Variants in GFRA1 observed in about 807,000 individuals in gnomAD.
The protein encoded by GFRA1 is GDNF family receptor alpha-1.
A neutral mutation model predicts 51.6 loss-of-function variants in GFRA1; 16 were observed. That is an observed-to-expected ratio of 0.31 (90% CI 0.21 to 0.47). The LOEUF is 0.47. Among genes scored for constraint, GFRA1 ranks in the 20% least tolerant of loss-of-function variants. GFRA1 has a pLI of 1.00. For synonymous variants in GFRA1, 270 were observed against 241.3 expected (o/e 1.12, Z -1.10); for missense variants, 530 against 594.3 (o/e 0.89, Z 1.13).
intron 9 of GFRA1, among the ~76,000 whole-genome samples, chr10:116,081,671 G>T (rs1266589327): frequency 6.6e-6 from 1 of 152,086 alleles, no homozygotes; most frequent in African/African-American, 2.4e-5. Context: ...TTTTATTAAT[G>T]CCTGGCCATA....
At chr10:116,257,260 C>T (rs1968935189) in intron 4 of GFRA1, among the ~76,000 whole-genome samples, 1 of 152,146 alleles carries the variant, frequency 6.6e-6, no homozygotes, top group South Asian at 2.1e-4. Flanking sequence ...TCCCTGTCTG[C>T]TCTGCTGTCT....
At chr10:116,085,688 AT>A (rs1224848924) in intron 9 of GFRA1, among the ~76,000 whole-genome samples, 1 of 151,886 alleles carries the variant, frequency 6.6e-6, no homozygotes, top group East Asian at 1.9e-4. Flanking sequence ...TCACTCTCTC[AT>A]CCCCCCCATC....
At position 116,124,919 on chromosome 10, in the gene GFRA1, A is replaced by G. The variant is rs1206620282; in HGVS notation, c.770+302T>C. The stretch of plus-strand genomic sequence containing the variant: ...GTGTGCCTTAAGGTCACCTCACCCC[A>G]GGTGACCCTCTCACCTGAGAGGTAT... On this transcript the variant is annotated intron_variant, in intron 6 of 10. Coordinates refer to ENST00000355422, the MANE Select transcript of GFRA1 (RefSeq NM_005264.8). Among the ~76,000 whole-genome samples the G allele has an allele frequency of 2.6e-5, 4 of 152,152 alleles. 1 individual carries two copies. Among genetic ancestry groups the G allele is most frequent in the Non-Finnish European group, 4.4e-5 (3 of 68,018 alleles).
intron 6 of GFRA1, among the ~76,000 whole-genome samples, chr10:116,106,023 T>C (rs1340000512): frequency 6.6e-6 from 1 of 151,900 alleles, no homozygotes; most frequent in Non-Finnish European, 1.5e-5. Flanking sequence ...TCTTTAAAAG[T>C]GGAATAGGGA....
At position 116,061,833 on chromosome 10, in the gene GFRA1, G is replaced by GTGTT. The variant is rs1954832923; in HGVS notation, c.*2561_*2564dup. 5.0e-6 allele frequency: 2 copies of GTGTT among 396,584 alleles called. No homozygotes were observed. Among genetic ancestry groups the GTGTT allele is most frequent in the Admixed American group, 8.8e-5 (2 of 22,682 alleles). 24.6% of individuals were successfully genotyped at this position (396,584 alleles called of 1,614,324 possible). A position where few individuals can be genotyped will look rare whatever the true frequency, so the allele number is the denominator to read the frequency against. ...TGCTCCAGTTCTGGGGCAAATGATGGTGTTTTAGGGTCACCGTGTCAAACT... is the reference window on the plus strand; with the variant it reads ...TGCTCCAGTTCTGGGGCAAATGATGGTGTTTGTTTTAGGGTCACCGTGTCAAACT... On this transcript the variant is annotated 3_prime_UTR_variant, in exon 11 of 11. Coordinates refer to ENST00000355422, the MANE Select transcript of GFRA1 (RefSeq NM_005264.8).
intron 4 of GFRA1, among the ~76,000 whole-genome samples, chr10:116,269,179 CCA>C (rs1165840181): frequency 6.6e-6 from 1 of 152,050 alleles, no homozygotes; most frequent in East Asian, 1.9e-4. Context: ...AATACGATTG[CCA>C]CCTACAGACA....
chr10:116,095,770 TG>T (rs1222079575), intron 7 of GFRA1, among the ~76,000 whole-genome samples: 2 of 152,168 alleles, frequency 1.3e-5, no homozygotes, highest in African/African-American at 4.8e-5. Flanking sequence ...AGTGGTGACG[TG>T]TGTGACCCTG....
chr10:116,188,824 T>C (rs1234474887), intron 5 of GFRA1, among the ~76,000 whole-genome samples: 4 of 150,444 alleles, frequency 2.7e-5, no homozygotes, highest in Non-Finnish European at 5.9e-5. Context: ...CACTTGAACC[T>C]GGGAGGCAGA....
intron 5 of GFRA1, among the ~76,000 whole-genome samples, chr10:116,201,457 A>G (rs935986720): frequency 3.9e-5 from 6 of 152,086 alleles, no homozygotes; most frequent in Non-Finnish European, 7.4e-5. Context: ...ACATCCCATA[A>G]AAACAACACT....
intron 5 of GFRA1, among the ~76,000 whole-genome samples, chr10:116,125,816 C>T (rs922880198): frequency 6.6e-6 from 1 of 152,220 alleles, no homozygotes; most frequent in Non-Finnish European, 1.5e-5. Context: ...GGCCAAAACT[C>T]GGGCACCTGC....
intron 4 of GFRA1, among the ~76,000 whole-genome samples, chr10:116,260,451 A>G (rs141946603): frequency 2.7e-3 from 418 of 152,324 alleles, no homozygotes; most frequent in African/African-American, 9.7e-3. Context: ...TTTAGAAACA[A>G]TTCTGCCACC....
chr10:116,142,874 C>T (rs1958631116), intron 5 of GFRA1, among the ~76,000 whole-genome samples: 1 of 152,144 alleles, frequency 6.6e-6, no homozygotes, highest in South Asian at 2.1e-4. Flanking sequence ...GGACTAGACT[C>T]CTCATAATAA....
chr10:116,212,523 AAC>A (rs71010072), intron 4 of GFRA1, among the ~76,000 whole-genome samples: 9,462 of 142,528 alleles, frequency 0.066, 379 homozygotes, highest in East Asian at 0.14. Context: ...TCCGTCTCAA[AAC>A]ACACACACAC....
chr10:116,232,407 A>T (rs1299336119), intron 4 of GFRA1, among the ~76,000 whole-genome samples: 2 of 152,250 alleles, frequency 1.3e-5, no homozygotes, highest in African/African-American at 4.8e-5. Context: ...CATTTATTGT[A>T]AATATCGAGG....
intron 5 of GFRA1, among the ~76,000 whole-genome samples, chr10:116,206,299 T>C (rs898378864): frequency 6.6e-6 from 1 of 151,978 alleles, no homozygotes; most frequent in Non-Finnish European, 1.5e-5. Context: ...GGCTAAGGGG[T>C]CGCAGCTTTA....
At chr10:116,085,075 A>T (rs1417870337) in intron 9 of GFRA1, among the ~76,000 whole-genome samples, 1 of 152,148 alleles carries the variant, frequency 6.6e-6, no homozygotes, top group Non-Finnish European at 1.5e-5. Context: ...TAGCACTTGG[A>T]CATTTCTGTA....
Position 116,148,352 on chromosome 10 carries a change from T to C in GFRA1, c.434-22795A>G, listed in dbSNP as rs570598920. On this transcript the variant is annotated intron_variant, in intron 5 of 10. Coordinates refer to ENST00000355422, the MANE Select transcript of GFRA1 (RefSeq NM_005264.8). ...TTCTTCCCATAGCTGGAAGCATGTG[T>C]GGTGTGCAGTGATTGAGGGTGAAGA... is the stretch of plus-strand genomic sequence containing the variant. Among the ~76,000 whole-genome samples, 21 of 152,196 alleles carry C rather than the reference T, an allele frequency of 1.4e-4. 1 individual carries two copies. In the South Asian group the frequency reaches 4.2e-3, roughly 30 times the overall value.
At chr10:116,136,734 T>G (rs1166406206) in intron 5 of GFRA1, among the ~76,000 whole-genome samples, 2 of 152,196 alleles carry the variant, frequency 1.3e-5, no homozygotes, top group African/African-American at 4.8e-5. Flanking sequence ...ACGGAACTCT[T>G]TCCTGGAAGC....
intron 9 of GFRA1, among the ~76,000 whole-genome samples, chr10:116,065,892 T>A (rs1170718990): frequency 6.6e-6 from 1 of 152,192 alleles, no homozygotes; most frequent in Non-Finnish European, 1.5e-5. Context: ...ATTCTTTTTA[T>A]CCATACTAAG....
Sources: allele counts gnomAD v4.1 joint callset (sites outside exome capture counted in the v4.1 genomes callset), GRCh38; gene constraint gnomAD v4.1.1; transcripts MANE v1.5; gene names NCBI Gene and HGNC (gene_info 2026-07-23, HGNC 2026-07-21).